The following PIEZO2 variants were observed in gnomAD, a reference collection of about 807,000 sequenced individuals.
PIEZO2 encodes piezo type mechanosensitive ion channel component 2, also known as piezo-type mechanosensitive ion channel component 2.
PIEZO2 carries 172 observed loss-of-function variants against 337.3 expected under a neutral mutation model. The observed-to-expected ratio is 0.51, with a 90% CI of 0.45 to 0.58. PIEZO2 has a LOEUF of 0.58. Among genes scored for constraint, PIEZO2 ranks in the 20% least tolerant of loss-of-function variants. The pLI is 0.00. For missense variants in PIEZO2, 3,028 were observed against 3,391.3 expected, an observed-to-expected ratio of 0.89 and a Z score of 2.66; for synonymous variants, 1,251 against 1,228.5, an observed-to-expected ratio of 1.02 and a Z score of -0.38.
chr18:10,939,920 G>A (rs2047455480), intron 3 of PIEZO2, among the ~76,000 whole-genome samples: 1 of 151,852 alleles, frequency 6.6e-6, no homozygotes, highest in Non-Finnish European at 1.5e-5. Flanking sequence ...TGTATCCCGT[G>A]ACTTAAAGTA....
intron 10 of PIEZO2, among the ~76,000 whole-genome samples, chr18:10,800,927 A>G (rs758011887): frequency 6.6e-6 from 1 of 152,218 alleles, no homozygotes; most frequent in Non-Finnish European, 1.5e-5. Flanking sequence ...TCTGCACAGG[A>G]CTAATGCAAA....
chr18:10,801,274 G>A, intron 10 of PIEZO2, 116 bp downstream of exon 10: 3 of 896,852 alleles, frequency 3.3e-6, no homozygotes, highest in Non-Finnish European at 1.6e-6. Flanking sequence ...CCCAAAAATG[G>A]AAAAGCTTAT....
intron 1 of PIEZO2, among the ~76,000 whole-genome samples, chr18:11,120,045 T>G (rs2039988653): frequency 6.6e-6 from 1 of 152,182 alleles, no homozygotes; most frequent in Admixed American, 6.5e-5. Context: ...TCAGAATCAG[T>G]CGGAATTGCA....
intron 1 of PIEZO2, among the ~76,000 whole-genome samples, chr18:11,084,410 G>A (rs1157202525): frequency 6.6e-6 from 1 of 152,102 alleles, no homozygotes; most frequent in African/African-American, 2.4e-5. Context: ...GTACGAACTG[G>A]CATCATTCTT....
At chr18:10,756,607 G>A (rs1175932169) in intron 27 of PIEZO2, among the ~76,000 whole-genome samples, 15 of 137,200 alleles carry the variant, frequency 1.1e-4, no homozygotes, top group Non-Finnish European at 2.2e-4. Context: ...GAGGAGGGAT[G>A]GAGGAGAAGG....
At chr18:10,685,051 G>A (rs1488523822) in intron 49 of PIEZO2, among the ~76,000 whole-genome samples, 2 of 152,154 alleles carry the variant, frequency 1.3e-5, no homozygotes, top group Non-Finnish European at 2.9e-5. Flanking sequence ...GTGCATGGAA[G>A]TCATGGTATA....
chr18:10,869,464 A>AAAAC lies in PIEZO2; in HGVS notation c.492+1785_492+1788dup, dbSNP rs369509068. On this transcript the variant is annotated intron_variant, in intron 5 of 55. Transcript: ENST00000674853. ...GCATGAATCCCAGAACTTAAGTTAA[A>AAAAC]AAACAAACAAACAAACAAACAAAAA... 3.9e-4 allele frequency among the ~76,000 whole-genome samples: 59 copies of AAAAC among 152,308 alleles called. 3 individuals are homozygous for AAAAC. The highest frequency in any genetic ancestry group is 3.5e-3 in the South Asian group (17 of 4,828).
In PIEZO2 at chr18:10,832,224, G is replaced by C. The variant is rs187897472; in HGVS notation, c.917+23129C>G. Among the ~76,000 whole-genome samples, 8 of 152,210 alleles carry C rather than the reference G, an allele frequency of 5.3e-5. No homozygotes were observed. In the East Asian group the frequency reaches 1.5e-3, roughly 29 times the overall value. Reference sequence around the variant, plus strand: ...CCACTGCACTCCAGCCTGGGTGACAGAGTGAGACTCTGTCTCAAAAAAACA... The same window carrying C: ...CCACTGCACTCCAGCCTGGGTGACACAGTGAGACTCTGTCTCAAAAAAACA... On this transcript the variant is annotated intron_variant, in intron 7 of 55. Transcript: ENST00000674853.
rs77100428 is a variant in PIEZO2, at chr18:11,006,114, C to T, written c.161-26454G>A. ...GATTTGGACCTCTCAGGAAGACCCCCGGTCATCCAAGCTAAAATGCGAACC... is the reference window on the plus strand; with the variant it reads ...GATTTGGACCTCTCAGGAAGACCCCTGGTCATCCAAGCTAAAATGCGAACC... On this transcript the variant is annotated intron_variant, in intron 2 of 55. Transcript: ENST00000674853. 3.6e-3 allele frequency among the ~76,000 whole-genome samples: 548 copies of T among 152,268 alleles called. 4 individuals are homozygous for T. Among genetic ancestry groups the T allele is most frequent in the Non-Finnish European group, 5.1e-3 (346 of 68,012 alleles).
chr18:11,079,160 C>G (rs141313687), intron 1 of PIEZO2, among the ~76,000 whole-genome samples: 5 of 152,244 alleles, frequency 3.3e-5, no homozygotes, highest in African/African-American at 1.2e-4. Flanking sequence ...CAGGCATAGA[C>G]GTTGTTTCAC....
intron 3 of PIEZO2, among the ~76,000 whole-genome samples, chr18:10,933,952 G>A (rs1370748431): frequency 6.6e-6 from 1 of 152,176 alleles, no homozygotes; most frequent in Non-Finnish European, 1.5e-5. Context: ...TGATTGTGAG[G>A]CATCCCCAGC....
In PIEZO2 at chr18:11,083,615, T is replaced by C. The variant is rs538675466; in HGVS notation, c.65-17393A>G. On this transcript the variant is annotated intron_variant, in intron 1 of 55. Transcript: ENST00000674853. This position sits in a 1 kb window ranked among gnomAD's most constrained non-coding sequence, Gnocchi z 4.4. The stretch of plus-strand genomic sequence containing the variant: ...CTTCCAAAGTTACTTATGAAAGGCT[T>C]GGTGCAGAGTCTGAGGGCACAGAGT... 1.0e-5 allele frequency among the ~76,000 whole-genome samples: 1 copy of C among 95,730 alleles called. No homozygotes were observed. The highest frequency in any genetic ancestry group is 3.2e-4 in the East Asian group (1 of 3,084). 62.8% of individuals were successfully genotyped at this position (95,730 alleles called of 152,430 possible). A position where few individuals can be genotyped will look rare whatever the true frequency, so the allele number is the denominator to read the frequency against.
intron 1 of PIEZO2, among the ~76,000 whole-genome samples, chr18:11,120,557 A>G (rs1368688458): frequency 6.6e-6 from 1 of 152,246 alleles, no homozygotes; most frequent in Admixed American, 6.5e-5. Context: ...CAGGAAAACA[A>G]ACAAATGATT....
chr18:10,772,165 T>C (rs2038626354), intron 20 of PIEZO2, among the ~76,000 whole-genome samples: 1 of 152,214 alleles, frequency 6.6e-6, no homozygotes, highest in Non-Finnish European at 1.5e-5. Context: ...GCATAGTGTA[T>C]ACAGGGTTCT....
At chr18:11,055,402 T>C (rs2037693550) in intron 2 of PIEZO2, among the ~76,000 whole-genome samples, 1 of 152,070 alleles carries the variant, frequency 6.6e-6, no homozygotes, top group Non-Finnish European at 1.5e-5. Flanking sequence ...AAATAAAACC[T>C]GCTCATAACA....
At chr18:10,926,776 T>A (rs1056470153) in intron 3 of PIEZO2, among the ~76,000 whole-genome samples, 2 of 152,174 alleles carry the variant, frequency 1.3e-5, no homozygotes, top group African/African-American at 4.8e-5. Flanking sequence ...TCTGAGATGT[T>A]CTTGCTGGAG....
chr18:10,867,964 T>C (rs1427046495), intron 5 of PIEZO2, among the ~76,000 whole-genome samples: 1 of 152,180 alleles, frequency 6.6e-6, no homozygotes, highest in East Asian at 1.9e-4. Context: ...CTTGCTGAAG[T>C]TGGCTGTCAG....
In PIEZO2 at chr18:10,859,819, G is replaced by T. The variant is rs756301197; in HGVS notation, c.493-2608C>A. Among the ~76,000 whole-genome samples the T allele has an allele frequency of 2.0e-5, 3 of 152,324 alleles. No individual in the cohort carries two copies. The East Asian group carries it at 5.8e-4, about 29-fold the overall frequency. ...TTGCCACATAACTCTAGTTGCTCCT[G>T]GGGCGGAGCAGAGGGAGGCAGCAGC... On this transcript the variant is annotated intron_variant, in intron 5 of 55. Transcript: ENST00000674853. The surrounding 1 kb of genome is among the most constrained non-coding windows in gnomAD (Gnocchi z 4.9).
At chr18:10,808,558 A>C (rs1207507287) in intron 7 of PIEZO2, among the ~76,000 whole-genome samples, 1 of 152,234 alleles carries the variant, frequency 6.6e-6, no homozygotes, top group African/African-American at 2.4e-5. Flanking sequence ...ACAGATTTTA[A>C]AGTAAGCTAA....
Sources: gnomAD v4.1 joint callset for allele counts (sites outside exome capture counted in the v4.1 genomes callset) on GRCh38, gnomAD v4.1.1 for gene constraint, Gnocchi (gnomAD v3.1) non-coding constraint, MANE v1.5 for transcripts, NCBI Gene and HGNC (gene_info 2026-07-23, HGNC 2026-07-21) for gene names.